The following RTL4 variants were observed in gnomAD, a reference collection of about 807,000 sequenced individuals.
RTL4 encodes retrotransposon Gag like 4.
Under a neutral mutation model 5.3 loss-of-function variants are expected in RTL4, and 4 were observed. That is an observed-to-expected ratio of 0.75 (90% CI 0.37 to 1.72). The LOEUF (loss-of-function observed/expected upper bound fraction) is 1.72. Ranked by LOEUF, RTL4 falls within the 40% of genes most tolerant of loss-of-function variation. The probability of loss-of-function intolerance (pLI) is 0.04; values close to 1 mark genes in which losing one functional copy is unlikely to be tolerated. For synonymous variants in RTL4, 98 were observed against 87.3 expected (o/e 1.12, Z -0.68); for missense variants, 260 against 227.1 (o/e 1.14, Z -0.93).
chrX:112,244,199 A>G, the RTL4 span, among the ~76,000 whole-genome samples: 1 of 111,762 alleles, frequency 8.9e-6, no homozygotes, highest in African/African-American at 3.3e-5. Flanking sequence ...AGTTCTGTAG[A>G]TGTCTATTAG....
At chrX:112,116,595 C>G in the RTL4 span, among the ~76,000 whole-genome samples, 1 of 111,530 alleles carries the variant, frequency 9.0e-6, no homozygotes, top group Non-Finnish European at 1.9e-5. Flanking sequence ...CTGAGTGGTG[C>G]GTTTTTACAA....
the RTL4 span, among the ~76,000 whole-genome samples, chrX:112,309,833 C>CATATATGTATACACATATATAA: frequency 1.9e-5 from 2 of 106,566 alleles, no homozygotes; most frequent in African/African-American, 6.8e-5. Context: ...CATATATATA[C>CATATATGTATACACATATATAA]ATATATGTAT....
At chrX:112,377,875 T>C in the RTL4 span, among the ~76,000 whole-genome samples, 14 of 112,144 alleles carry the variant, frequency 1.2e-4, no homozygotes, top group Non-Finnish European at 2.1e-4. Flanking sequence ...TGCAAGGTCA[T>C]GCCACCTGAA....
chrX:112,432,966 C>T, the RTL4 span, among the ~76,000 whole-genome samples: 1 of 110,948 alleles, frequency 9.0e-6, no homozygotes, highest in Non-Finnish European at 1.9e-5. Flanking sequence ...CCAGTTTTCC[C>T]AGCACCATTT....
chrX:112,354,706 G>A, the RTL4 span, among the ~76,000 whole-genome samples: 1 of 110,980 alleles, frequency 9.0e-6, no homozygotes, highest in African/African-American at 3.3e-5. Flanking sequence ...CTAGAACACT[G>A]CCCTTTTTTT....
chrX:112,436,781 T>C, the RTL4 span, among the ~76,000 whole-genome samples: 2 of 111,126 alleles, frequency 1.8e-5, no homozygotes, highest in Admixed American at 9.6e-5. Flanking sequence ...ACTTTCAGTC[T>C]GACTCTTCAG....
At chrX:112,091,934 G>A in the RTL4 span, among the ~76,000 whole-genome samples, 1 of 110,838 alleles carries the variant, frequency 9.0e-6, no homozygotes, top group Non-Finnish European at 1.9e-5. Flanking sequence ...TATAATTGCT[G>A]TTTTCTTGAT....
the RTL4 span, among the ~76,000 whole-genome samples, chrX:112,401,764 T>C: frequency 8.9e-6 from 1 of 112,067 alleles, no homozygotes; most frequent in East Asian, 2.8e-4. Flanking sequence ...AAACTTCATT[T>C]CTTTCTTCCC....
chrX:112,302,709 G>A, the RTL4 span, among the ~76,000 whole-genome samples: 5 of 111,957 alleles, frequency 4.5e-5, no homozygotes, highest in Admixed American at 9.5e-5. Context: ...AATATTTTTC[G>A]AGCATTTACA....
At chrX:112,188,785 C>T in the RTL4 span, among the ~76,000 whole-genome samples, 2 of 111,120 alleles carry the variant, frequency 1.8e-5, no homozygotes, top group East Asian at 2.8e-4. Context: ...CTATCCCCCC[C>T]GCCTCCCATT....
chrX:112,244,808 G>C, the RTL4 span, among the ~76,000 whole-genome samples: 1 of 111,644 alleles, frequency 9.0e-6, no homozygotes, highest in Admixed American at 9.6e-5. Flanking sequence ...TTTCCAATTT[G>C]GCCTGTTTTT....
chrX:112,145,772 ACT>A, the RTL4 span, among the ~76,000 whole-genome samples: 5 of 111,475 alleles, frequency 4.5e-5, no homozygotes, highest in Non-Finnish European at 9.4e-5. Flanking sequence ...GGAAAAAGAA[ACT>A]CTGTGAAAGT....
chrX:112,212,270 G>A, the RTL4 span, among the ~76,000 whole-genome samples: 1 of 111,363 alleles, frequency 9.0e-6, no homozygotes, highest in African/African-American at 3.3e-5. Context: ...CCAGATGCTC[G>A]GGAGGCTGAG....
the RTL4 span, among the ~76,000 whole-genome samples, chrX:112,439,263 A>G: frequency 8.9e-6 from 1 of 111,738 alleles, no homozygotes; most frequent in Non-Finnish European, 1.9e-5. Context: ...AGTAATGGCC[A>G]ATTTTCAGCA....
the RTL4 span, among the ~76,000 whole-genome samples, chrX:112,296,897 A>G: frequency 3.6e-5 from 4 of 109,670 alleles, no homozygotes; most frequent in Non-Finnish European, 7.6e-5. Flanking sequence ...GATTACAGGC[A>G]TGAGCCACCG....
the RTL4 span, among the ~76,000 whole-genome samples, chrX:112,326,908 C>T: frequency 9.0e-6 from 1 of 111,657 alleles, no homozygotes; most frequent in African/African-American, 3.3e-5. Flanking sequence ...TGACACCTCA[C>T]ACGGCCAGGT....
At chrX:112,083,185 C>T in the RTL4 span, among the ~76,000 whole-genome samples, 3 of 112,306 alleles carry the variant, frequency 2.7e-5, no homozygotes, top group Non-Finnish European at 5.6e-5. Flanking sequence ...GTGGCAGAGA[C>T]GGGAGGGGAG....
the RTL4 span, among the ~76,000 whole-genome samples, chrX:112,425,594 C>T: frequency 1.8e-5 from 2 of 111,130 alleles, no homozygotes; most frequent in Non-Finnish European, 3.8e-5. Flanking sequence ...CATTTGGTGT[C>T]GTCAGTGTTT....
chrX:112,450,275 A>T (rs12156907), upstream of RTL4, among the ~76,000 whole-genome samples: 33,536 of 111,286 alleles, frequency 0.3, 4,203 homozygotes, highest in African/African-American at 0.48. Flanking sequence ...CCAAATACAA[A>T]CACTAAAATG....
Sources: gnomAD v4.1 joint callset for allele counts (sites outside exome capture counted in the v4.1 genomes callset) on GRCh38, gnomAD v4.1.1 for gene constraint, MANE v1.5 for transcripts, NCBI Gene and HGNC (gene_info 2026-07-23, HGNC 2026-07-21) for gene names.